SLC11A2: variants seen among roughly 807,000 people sequenced by gnomAD.
The protein encoded by SLC11A2 is natural resistance-associated macrophage protein 2.
Under a neutral mutation model 68.0 loss-of-function variants are expected in SLC11A2, and 38 were observed. That is an observed-to-expected ratio of 0.56 (90% CI 0.43 to 0.73). The LOEUF (loss-of-function observed/expected upper bound fraction) is 0.73. Among genes scored for constraint, SLC11A2 ranks in the 30% least tolerant of loss-of-function variants. The pLI, the probability that SLC11A2 is intolerant of heterozygous loss-of-function variation, is 0.00. For missense variants in SLC11A2, 517 were observed against 690.5 expected, an observed-to-expected ratio of 0.75 and a Z score of 2.82; for synonymous variants, 242 against 250.6, an observed-to-expected ratio of 0.97 and a Z score of 0.32.
intron 1 of SLC11A2, among the ~76,000 whole-genome samples, chr12:51,015,218 G>A (rs1035255523): frequency 9.5e-5 from 14 of 147,452 alleles, no homozygotes; most frequent in Non-Finnish European, 2.1e-4. Context: ...GCTCACACCT[G>A]TAATCCCAGC....
downstream of SLC11A2, among the ~76,000 whole-genome samples, chr12:50,984,695 C>G (rs773059515): frequency 5.9e-5 from 9 of 152,116 alleles, no homozygotes; most frequent in Non-Finnish European, 1.2e-4. Context: ...GGGATAGGAC[C>G]ATAGAGGGCC....
chr12:50,966,616 G>A, the SLC11A2 span, among the ~76,000 whole-genome samples: 2 of 152,204 alleles, frequency 1.3e-5, no homozygotes, highest in Admixed American at 1.3e-4. Context: ...TACCAAGGAA[G>A]TTCTGGCATT....
intron 1 of SLC11A2, 111 bp from the exon 2 acceptor site, chr12:51,010,877 T>C (rs1348568270): frequency 6.0e-6 from 3 of 499,228 alleles, no homozygotes; most frequent in African/African-American, 1.9e-5. Flanking sequence ...AAGAGTAATT[T>C]TTCTACTGAA....
At chr12:50,957,359 T>C in the SLC11A2 span, among the ~76,000 whole-genome samples, 1 of 151,658 alleles carries the variant, frequency 6.6e-6, no homozygotes, top group Non-Finnish European at 1.5e-5. Flanking sequence ...CCACCACACC[T>C]GGCTAATTTT....
At position 50,994,459 on chromosome 12, in the gene SLC11A2, T is replaced by C. The variant is rs1449993089; in HGVS notation, c.1077+85A>G. 8 of 848,352 alleles carry C rather than the reference T, an allele frequency of 9.4e-6. No homozygotes were observed. The South Asian group carries it at 1.1e-4, about 11-fold the overall frequency. 52.6% of individuals were successfully genotyped at this position (848,352 alleles called of 1,614,324 possible). ...ACACTCCAGAGGAGATATGCTCATATCTGAAGTGAAGTCACAAAAAAGACC... is the reference window on the plus strand; with the variant it reads ...ACACTCCAGAGGAGATATGCTCATACCTGAAGTGAAGTCACAAAAAAGACC... On this transcript the variant is annotated intron_variant, in intron 11 of 15. Transcript: ENST00000262052.
At position 50,991,282 on chromosome 12, in the gene SLC11A2, T is replaced by C. The variant is rs144794280; in HGVS notation, c.1421+317A>G. 9.8e-5 allele frequency among the ~76,000 whole-genome samples: 15 copies of C among 152,336 alleles called. No homozygotes were observed. In the East Asian group the frequency reaches 2.7e-3, roughly 27 times the overall value. On this transcript the variant is annotated intron_variant, in intron 14 of 15. Coordinates refer to ENST00000262052, the MANE Select transcript of SLC11A2 (RefSeq NM_000617.3). Reference sequence around the variant, plus strand: ...ATACCTCATATCCTTTAAAGATATATATAAAAGGTACTAACTTATGCCTTT... The same window carrying C: ...ATACCTCATATCCTTTAAAGATATACATAAAAGGTACTAACTTATGCCTTT...
chr12:50,987,083 A>G lies in SLC11A2; in HGVS notation c.*1242T>C. On this transcript the variant is annotated 3_prime_UTR_variant, in exon 16 of 16. Transcript: ENST00000262052. ...CAGGCTCGGTATGTAAAAATGTCAG[A>G]AGTGGCTGAAGTAAAAGCAGCAGCT... is the stretch of plus-strand genomic sequence containing the variant. 7.8e-7 allele frequency: 1 copy of G among 1,286,410 alleles called. No homozygotes were observed. The highest frequency in any genetic ancestry group is 1.0e-6 in the Non-Finnish European group (1 of 988,370). The allele number at this position is 1,286,410 out of a possible 1,614,324, so 79.7% of individuals were successfully genotyped here.
the SLC11A2 span, among the ~76,000 whole-genome samples, chr12:50,962,981 T>C: frequency 6.6e-6 from 1 of 152,010 alleles, no homozygotes; most frequent in Non-Finnish European, 1.5e-5. Context: ...TAATGAGGGA[T>C]TTATTACAGG....
At chr12:50,970,083 T>C in the SLC11A2 span, among the ~76,000 whole-genome samples, 5 of 152,164 alleles carry the variant, frequency 3.3e-5, no homozygotes, top group African/African-American at 1.2e-4. Flanking sequence ...CCATTTGTTT[T>C]CCTCGGGATA....
chr12:51,005,333 G>C lies in SLC11A2; in HGVS notation c.287C>G (p.Ser96Cys). ...DPGNIESDLQSGAVAGFKLLW... is the reference protein window; with the variant it reads ...DPGNIESDLQCGAVAGFKLLW... ...CACCTTAAATCCAGCCACTGCTCCA[G>C]ACTGCAAATCGGATTCAATATTTCC... The change falls in exon 4 of 16, where the codon TCT becomes TGT. Residue 96 changes from serine to cysteine, a missense_variant. Physicochemically the swap from Ser to Cys is moderately radical, Grantham distance 112 (BLOSUM62 -1). Coordinates refer to ENST00000262052, the MANE Select transcript of SLC11A2 (RefSeq NM_000617.3). The C allele has an allele frequency of 1.2e-6, 2 of 1,613,978 alleles. No individual in the cohort carries two copies. Among genetic ancestry groups the C allele is most frequent in the Non-Finnish European group, 1.7e-6 (2 of 1,179,912 alleles).
intron 5 of SLC11A2, among the ~76,000 whole-genome samples, chr12:51,002,456 T>G (rs1376359774): frequency 1.3e-5 from 2 of 151,472 alleles, no homozygotes; most frequent in Non-Finnish European, 2.9e-5. Flanking sequence ...CTGGCCAACA[T>G]GGTGAAACCC....
Position 50,999,103 on chromosome 12 carries a change from T to C in SLC11A2, c.675+71A>G, listed in dbSNP as rs1592353214. 3 of 1,292,630 alleles carry C rather than the reference T, an allele frequency of 2.3e-6. No individual in the cohort carries two copies. In the African/African-American group the frequency reaches 4.5e-5, roughly 19 times the overall value. 80.1% of individuals were successfully genotyped at this position (1,292,630 alleles called of 1,614,324 possible). A position where few individuals can be genotyped will look rare whatever the true frequency, so the allele number is the denominator to read the frequency against. ...ATACTAGCATTATTACTGTCTTTTA[T>C]AATAAAAGGCTAAAAAAAAAAACCA... On this transcript the variant is annotated intron_variant, in intron 8 of 15. Coordinates refer to ENST00000262052, the MANE Select transcript of SLC11A2 (RefSeq NM_000617.3).
At chr12:50,956,094 A>G in the SLC11A2 span, among the ~76,000 whole-genome samples, 2 of 152,210 alleles carry the variant, frequency 1.3e-5, no homozygotes, top group East Asian at 1.9e-4. Flanking sequence ...AAAATAAATA[A>G]TGATAAAATT....
At chr12:51,000,654 A>C (rs143898251) in intron 5 of SLC11A2, 182 of 589,992 alleles carry the variant, frequency 3.1e-4, no homozygotes, top group African/African-American at 3.0e-3. Flanking sequence ...AGGTCAAGGC[A>C]GTAATTGATC....
At position 50,988,883 on chromosome 12, in the gene SLC11A2, AT is replaced by A. The variant is rs1041495149; in HGVS notation, c.1576-449del. On this transcript the variant is annotated intron_variant, in intron 15 of 15. Transcript: ENST00000262052. ...GCACACCACCATGCCCAGCTAATTTATTTTTTTTTGTAGAGACAAGGTGTCT... is the reference window on the plus strand; with the variant it reads ...GCACACCACCATGCCCAGCTAATTTATTTTTTTTGTAGAGACAAGGTGTCT... 1.3e-3 allele frequency among the ~76,000 whole-genome samples: 196 copies of A among 150,374 alleles called. 1 individual carries two copies. The highest frequency in any genetic ancestry group is 4.6e-3 in the African/African-American group (187 of 41,020).
chr12:50,957,611 A>T, the SLC11A2 span, among the ~76,000 whole-genome samples: 1 of 150,494 alleles, frequency 6.6e-6, no homozygotes, highest in Non-Finnish European at 1.5e-5. Flanking sequence ...CCAACCAGGC[A>T]TGGTGGCTCA....
At chr12:51,011,124 A>G (rs1309890304) in intron 1 of SLC11A2, among the ~76,000 whole-genome samples, 2 of 144,836 alleles carry the variant, frequency 1.4e-5, no homozygotes, top group African/African-American at 5.1e-5. Context: ...AGCAAATACC[A>G]TTTTTTTTTT....
At chr12:50,984,699 G>A (rs1368949876), downstream of SLC11A2, among the ~76,000 whole-genome samples, 6 of 152,294 alleles carry the variant, frequency 3.9e-5, no homozygotes, top group African/African-American at 1.4e-4. Context: ...TAGGACCATA[G>A]AGGGCCCTGT....
Position 50,986,573 on chromosome 12 carries a change from T to TA in SLC11A2, c.*1751_*1752insT. The TA allele has an allele frequency of 8.7e-7, 1 of 1,154,322 alleles. No homozygotes were observed. The allele number at this position is 1,154,322 out of a possible 1,614,324, so 71.5% of individuals were successfully genotyped here. A position where few individuals can be genotyped will look rare whatever the true frequency, so the allele number is the denominator to read the frequency against. ...GTTACCATATCATCTTTATAAAGAA[T>TA]TTTTTTTTTGTCGTCAGTTTGGCCT... On this transcript the variant is annotated 3_prime_UTR_variant, in exon 16 of 16. Transcript: ENST00000262052.
Sources: allele counts gnomAD v4.1 joint callset (sites outside exome capture counted in the v4.1 genomes callset), GRCh38; gene constraint gnomAD v4.1.1; transcripts MANE v1.5; gene names NCBI Gene and HGNC (gene_info 2026-07-23, HGNC 2026-07-21).